Variants in LIPJ observed in about 807,000 individuals in gnomAD.
The protein encoded by LIPJ is lipase family member J, also known as lipase member J.
LIPJ carries 33 observed loss-of-function variants against 39.8 expected under a neutral mutation model. The ratio of observed to expected loss-of-function variants is 0.83; its 90% CI spans 0.63 to 1.11. The LOEUF is 1.11. Among genes scored for constraint, LIPJ ranks in the 50% least tolerant of loss-of-function variants. The pLI, the probability that LIPJ is intolerant of heterozygous loss-of-function variation, is 0.00. For synonymous variants in LIPJ, 128 were observed against 139.2 expected, an observed-to-expected ratio of 0.92 and a Z score of 0.57; for missense variants, 422 against 427.9, an observed-to-expected ratio of 0.99 and a Z score of 0.12.
At chr10:88,591,380 C>A in exon 4 of LIPJ, 1 of 1,588,616 alleles carries the variant, frequency 6.3e-7, no homozygotes, top group South Asian at 1.1e-5. Context: ...TTATCTAGAG[C>A]CAGATTATTT....
At chr10:88,584,397 G>C (rs1338142572), upstream of LIPJ, 2 of 152,012 alleles carry the variant, frequency 1.3e-5, no homozygotes, top group Non-Finnish European at 2.9e-5. Context: ...TTTCTGAAAG[G>C]TGTATGAAAG....
intron 8 of LIPJ, among the ~76,000 whole-genome samples, chr10:88,601,039 C>T (rs777742250): frequency 6.6e-6 from 1 of 152,090 alleles, no homozygotes; most frequent in Non-Finnish European, 1.5e-5. Flanking sequence ...ACTTCTGCCT[C>T]CCGGGTTCAG....
At chr10:88,611,498 T>C (rs1851751492), downstream of LIPJ, among the ~76,000 whole-genome samples, 1 of 152,138 alleles carries the variant, frequency 6.6e-6, no homozygotes, top group Non-Finnish European at 1.5e-5. Context: ...GAAGTCCAAC[T>C]TCAAGAAATC....
chr10:88,593,263 G>A (rs1251969070), intron 4 of LIPJ: 1 of 151,696 alleles, frequency 6.6e-6, no homozygotes, highest in Non-Finnish European at 1.5e-5. Flanking sequence ...TTTCTCTCTG[G>A]AGACCAGGGC....
At chr10:88,615,440 C>A in the LIPJ span, among the ~76,000 whole-genome samples, 1 of 151,666 alleles carries the variant, frequency 6.6e-6, no homozygotes, top group Non-Finnish European at 1.5e-5. Flanking sequence ...GTAATCCCAG[C>A]TACTTGGGAG....
At chr10:88,611,552 A>G (rs1473811603), downstream of LIPJ, among the ~76,000 whole-genome samples, 5 of 152,218 alleles carry the variant, frequency 3.3e-5, no homozygotes, top group Non-Finnish European at 7.3e-5. Context: ...TTAGTGAAAT[A>G]GAGAGCATAA....
chr10:88,607,812 T>C (rs1236116929), downstream of LIPJ, among the ~76,000 whole-genome samples: 1 of 152,222 alleles, frequency 6.6e-6, no homozygotes, highest in Non-Finnish European at 1.5e-5. Context: ...ACTTCCTGTT[T>C]CCAGTTTATC....
intron 8 of LIPJ, among the ~76,000 whole-genome samples, chr10:88,597,670 G>A (rs1171641793): frequency 1.3e-5 from 2 of 151,872 alleles, no homozygotes; most frequent in Non-Finnish European, 2.9e-5. Context: ...GGACATGTTT[G>A]TTGACTTTGT....
chr10:88,610,826 C>T (rs140525786), downstream of LIPJ, among the ~76,000 whole-genome samples: 355 of 152,238 alleles, frequency 2.3e-3, 3 homozygotes, highest in African/African-American at 6.9e-3. Flanking sequence ...TTAAAAAAGA[C>T]GAACTTTAAC....
the LIPJ span, among the ~76,000 whole-genome samples, chr10:88,613,798 A>ATATATATATATATATATG: frequency 1.2e-4 from 6 of 52,046 alleles, no homozygotes; most frequent in Non-Finnish European, 2.5e-4. Flanking sequence ...ATATATATAT[A>ATATATATATATATATATG]TATGTGTGTG....
At chr10:88,590,079 C>T (rs937656130) in intron 2 of LIPJ, among the ~76,000 whole-genome samples, 3 of 151,532 alleles carry the variant, frequency 2.0e-5, no homozygotes, top group Non-Finnish European at 4.4e-5. Context: ...AGAGTTCTGC[C>T]TTCCTAGAAT....
chr10:88,602,506 T>A, intron 8 of LIPJ, 70 bp from the exon 9 acceptor site: 2 of 1,019,038 alleles, frequency 2.0e-6, no homozygotes, highest in Non-Finnish European at 2.8e-6. Flanking sequence ...GTTCAATAAA[T>A]ATTAAAAGAT....
At chr10:88,599,237 AAC>A (rs1421350264) in intron 8 of LIPJ, among the ~76,000 whole-genome samples, 1 of 151,790 alleles carries the variant, frequency 6.6e-6, no homozygotes, top group Non-Finnish European at 1.5e-5. Flanking sequence ...AATCAAGTTT[AAC>A]ACATCTATCA....
chr10:88,596,941 G>C lies in LIPJ; in HGVS notation c.723+5G>C. 7.1e-7 allele frequency: 1 copy of C among 1,408,552 alleles called. No homozygotes were observed. The highest frequency in any genetic ancestry group is 9.8e-7 in the Non-Finnish European group (1 of 1,018,780). The allele number at this position is 1,408,552 out of a possible 1,614,324, so 87.3% of individuals were successfully genotyped here. On this transcript the variant is annotated splice_donor_5th_base_variant and intron_variant, in intron 8 of 10. Coordinates refer to ENST00000371939, the Ensembl canonical transcript of LIPJ. Reference sequence around the variant, plus strand: ...GACCCAAAAAACTTAAATATGGTAAGAACAAGTTGTATTTGAAATATATAT... The same window carrying C: ...GACCCAAAAAACTTAAATATGGTAACAACAAGTTGTATTTGAAATATATAT...
At chr10:88,620,285 T>G in the LIPJ span, among the ~76,000 whole-genome samples, 1 of 152,120 alleles carries the variant, frequency 6.6e-6, no homozygotes, top group South Asian at 2.1e-4. Flanking sequence ...ATAAACAACA[T>G]TCCAATAGGA....
intron 4 of LIPJ, chr10:88,593,662 G>A (rs1851155446): frequency 4.1e-6 from 1 of 243,454 alleles, no homozygotes; most frequent in African/African-American, 2.3e-5. Flanking sequence ...ATGAGTGCTT[G>A]AATTACTATA....
chr10:88,594,715 T>C, exon 6 of LIPJ: 1 of 1,570,254 alleles, frequency 6.4e-7, no homozygotes, highest in Non-Finnish European at 8.6e-7. Flanking sequence ...TTGATTTCAC[T>C]GTGAAGCAAA....
At chr10:88,613,800 A>ATATATATATATGTGTGTGTGTGTGTG in the LIPJ span, among the ~76,000 whole-genome samples, 1 of 74,156 alleles carries the variant, frequency 1.3e-5, no homozygotes, top group African/African-American at 4.8e-5. Context: ...ATATATATAT[A>ATATATATATATGTGTGTGTGTGTGTG]TGTGTGTGTG....
upstream of LIPJ, chr10:88,583,711 G>C (rs1850800807): frequency 3.0e-6 from 3 of 985,724 alleles, no homozygotes; most frequent in African/African-American, 1.7e-5. Context: ...ACATCTTTTG[G>C]AATCTGGGAG....
Sources: allele counts gnomAD v4.1 joint callset (sites outside exome capture counted in the v4.1 genomes callset), GRCh38; gene constraint gnomAD v4.1.1; transcripts MANE v1.5; gene names NCBI Gene and HGNC (gene_info 2026-07-23, HGNC 2026-07-21).